KALRN: variants seen among roughly 807,000 people sequenced by gnomAD.
KALRN encodes the protein kalirin.
In KALRN, 70 loss-of-function variants were observed where a neutral mutation model predicts 353.7. The ratio of observed to expected loss-of-function variants is 0.20; its 90% CI spans 0.16 to 0.24. The LOEUF (loss-of-function observed/expected upper bound fraction) is 0.24, where lower values mean the gene tolerates loss of function less well. Among genes scored for constraint, KALRN ranks in the 10% least tolerant of loss-of-function variants. KALRN has a pLI of 1.00. For synonymous variants in KALRN, 1,391 were observed against 1,434.8 expected (o/e 0.97, Z 0.69); for missense variants, 2,791 against 3,756.7 (o/e 0.74, Z 6.72).
At chr3:124,715,848 A>C (rs2063111416) in intron 58 of KALRN, among the ~76,000 whole-genome samples, 1 of 152,226 alleles carries the variant, frequency 6.6e-6, no homozygotes, top group Admixed American at 6.5e-5. Context: ...AGGGTGGCTG[A>C]GAATAGTTAC....
chr3:124,429,358 G>A (rs886896855), intron 15 of KALRN, among the ~76,000 whole-genome samples: 5 of 152,298 alleles, frequency 3.3e-5, no homozygotes, highest in African/African-American at 9.6e-5. Flanking sequence ...ACGAGACTGG[G>A]CTTGGTATTT....
At chr3:124,113,902 T>G (rs1438425558) in intron 1 of KALRN, among the ~76,000 whole-genome samples, 1 of 152,216 alleles carries the variant, frequency 6.6e-6, no homozygotes, top group African/African-American at 2.4e-5. Flanking sequence ...AAACCCGTTC[T>G]TATCAACCAC....
chr3:124,254,369 A>G (rs2071601030), intron 3 of KALRN, among the ~76,000 whole-genome samples: 1 of 150,780 alleles, frequency 6.6e-6, no homozygotes, highest in Non-Finnish European at 1.5e-5. Flanking sequence ...AGGAGCTAGC[A>G]AGAAGAAGCA....
At chr3:124,715,793 T>G (rs1579088623) in intron 58 of KALRN, among the ~76,000 whole-genome samples, 1 of 152,306 alleles carries the variant, frequency 6.6e-6, no homozygotes, top group Admixed American at 6.5e-5. Flanking sequence ...CAATGTACAC[T>G]AAAGAATACC....
intron 38 of KALRN, among the ~76,000 whole-genome samples, chr3:124,655,331 TAGAA>T (rs2083892677): frequency 6.6e-6 from 1 of 152,194 alleles, no homozygotes; most frequent in Non-Finnish European, 1.5e-5. Context: ...ACATGAAGAA[TAGAA>T]AGAAGAATGC....
At chr3:124,555,003 C>T (rs980319410) in intron 33 of KALRN, among the ~76,000 whole-genome samples, 2 of 152,140 alleles carry the variant, frequency 1.3e-5, no homozygotes, top group East Asian at 3.9e-4. Flanking sequence ...TACATTTAAG[C>T]CTTCACTGAA....
intron 52 of KALRN, 100 bp downstream of exon 52, chr3:124,693,931 T>C (rs1455601072): frequency 2.0e-5 from 16 of 818,364 alleles, no homozygotes; most frequent in Non-Finnish European, 3.1e-5. Context: ...GGTGATATAG[T>C]TCTGTATCAA....
At chr3:124,125,851 T>C (rs1259059023) in intron 1 of KALRN, among the ~76,000 whole-genome samples, 2 of 152,202 alleles carry the variant, frequency 1.3e-5, no homozygotes, top group African/African-American at 4.8e-5. Context: ...TCAGATGCTC[T>C]GCTTAATTAG....
chr3:124,517,462 A>T (rs2066746488), intron 33 of KALRN, among the ~76,000 whole-genome samples: 1 of 152,194 alleles, frequency 6.6e-6, no homozygotes, highest in Non-Finnish European at 1.5e-5. Context: ...AGACTGTGAG[A>T]TTATACTCTG....
chr3:124,058,903 G>A (rs1307236457), intron 1 of KALRN, among the ~76,000 whole-genome samples: 1 of 152,146 alleles, frequency 6.6e-6, no homozygotes, highest in South Asian at 2.1e-4. Flanking sequence ...GTTAAAGTTT[G>A]AATCTTGAAA....
At chr3:124,549,007 C>G (rs1293114147) in intron 33 of KALRN, among the ~76,000 whole-genome samples, 1 of 152,160 alleles carries the variant, frequency 6.6e-6, no homozygotes, top group Non-Finnish European at 1.5e-5. Flanking sequence ...TGGTACTTAT[C>G]TTAATCTTTT....
chr3:124,308,792 C>A (rs1207492662), intron 6 of KALRN, among the ~76,000 whole-genome samples: 1 of 150,900 alleles, frequency 6.6e-6, no homozygotes, highest in Non-Finnish European at 1.5e-5. Context: ...CTAAAGCAAG[C>A]AGAAGAAAGG....
intron 1 of KALRN, among the ~76,000 whole-genome samples, chr3:124,116,091 C>T (rs570206061): frequency 6.6e-6 from 1 of 152,258 alleles, no homozygotes; most frequent in Admixed American, 6.5e-5. Context: ...GCTTAGTTGG[C>T]CTGGATGTTA....
In KALRN at chr3:124,616,434, G is replaced by A. The variant is rs149091096; in HGVS notation, c.5183-15986G>A. Among the ~76,000 whole-genome samples the A allele has an allele frequency of 4.3e-3, 656 of 152,210 alleles. 3 individuals carry two copies. Among genetic ancestry groups the A allele is most frequent in the African/African-American group, 0.015 (624 of 41,528 alleles). On this transcript the variant is annotated intron_variant, in intron 34 of 59. Coordinates refer to ENST00000682506, the MANE Select transcript of KALRN (RefSeq NM_001388419.1). ...AGCTCCTACTTTGGCATTCATAACA[G>A]GTTTTGAGTTTGACTGACTACCTTG...
chr3:124,105,044 T>C (rs997400180), intron 1 of KALRN, among the ~76,000 whole-genome samples: 1 of 152,178 alleles, frequency 6.6e-6, no homozygotes, highest in African/African-American at 2.4e-5. Flanking sequence ...GGTCATGTTC[T>C]TTAAAGATGA....
intron 1 of KALRN, among the ~76,000 whole-genome samples, chr3:124,158,129 G>T (rs1398564200): frequency 6.6e-6 from 1 of 152,202 alleles, no homozygotes; most frequent in Admixed American, 6.5e-5. Context: ...CACACTCAGG[G>T]TTTGTTTCTG....
chr3:124,612,759 T>C (rs1454401782), intron 34 of KALRN, among the ~76,000 whole-genome samples: 1 of 152,248 alleles, frequency 6.6e-6, no homozygotes, highest in Non-Finnish European at 1.5e-5. Flanking sequence ...TCAGCGACTT[T>C]GTCTGTCTCC....
At chr3:124,439,474 T>G (rs1248160136) in intron 18 of KALRN, among the ~76,000 whole-genome samples, 3 of 152,228 alleles carry the variant, frequency 2.0e-5, no homozygotes, top group African/African-American at 4.8e-5. Context: ...GAAAAAGACA[T>G]GCTTTCATTC....
chr3:124,436,173 C>T (rs1354787023), intron 17 of KALRN, among the ~76,000 whole-genome samples: 1 of 152,176 alleles, frequency 6.6e-6, no homozygotes, highest in Non-Finnish European at 1.5e-5. Flanking sequence ...AGGCTTAATT[C>T]CTGTCTAATA....
Sources: allele counts gnomAD v4.1 joint callset (sites outside exome capture counted in the v4.1 genomes callset), GRCh38; gene constraint gnomAD v4.1.1; transcripts MANE v1.5; gene names NCBI Gene and HGNC (gene_info 2026-07-23, HGNC 2026-07-21).